Variants in CCND3 observed in about 807,000 individuals in gnomAD.
CCND3 encodes G1/S-specific cyclin-D3.
Under a neutral mutation model 28.7 loss-of-function variants are expected in CCND3, and 9 were observed. The observed-to-expected ratio is 0.31, with a 90% CI of 0.19 to 0.55. CCND3 has a LOEUF of 0.55. Among genes scored for constraint, CCND3 ranks in the 20% least tolerant of loss-of-function variants. The pLI is 0.93. For missense variants in CCND3, 315 were observed against 385.8 expected (o/e 0.82, Z 1.54); for synonymous variants, 164 against 163.9 (o/e 1.00, Z 0.00).
rs1432672361 is a variant in CCND3 at position 41,938,472 on chromosome 6, ATAAAT to A, written c.415-1083_415-1079del. On this transcript the variant is annotated intron_variant, in intron 2 of 4. Coordinates refer to ENST00000372991, the MANE Select transcript of CCND3 (RefSeq NM_001760.5). The surrounding 1 kb of genome is among the most constrained non-coding windows in gnomAD (Gnocchi z 4.6). ...TGGCCTGGAGCCAGAAGTGAGACAG[ATAAAT>A]TACAACGCTACCCCTAGTGCATGTC... Among the ~76,000 whole-genome samples the A allele has an allele frequency of 6.6e-6, 1 of 152,186 alleles. No homozygotes were observed. Among genetic ancestry groups the A allele is most frequent in the East Asian group, 1.9e-4 (1 of 5,200 alleles).
In CCND3 at chr6:41,980,010, T is replaced by TCACA. The variant is rs58375638; in HGVS notation, c.-45-39429_-45-39426dup. ...CAATGAACATATGCTGCTTTCAAAA[T>TCACA]CACACACACACACACACACACACAC... On this transcript the variant is annotated intron_variant, in intron 1 of 4. Coordinates refer to the CCND3 transcript ENST00000372988. Among the ~76,000 whole-genome samples the TCACA allele has an allele frequency of 9.8e-3, 1,338 of 137,190 alleles. 26 individuals are homozygous for TCACA. The highest frequency in any genetic ancestry group is 0.034 in the African/African-American group (1,241 of 36,982). The allele number at this position is 137,190 out of a possible 152,430, so 90.0% of individuals were successfully genotyped here.
rs916237567 is a variant in CCND3, at chr6:42,017,873, G to A, written c.-46+30628C>T. 5.3e-5 allele frequency among the ~76,000 whole-genome samples: 8 copies of A among 152,206 alleles called. No individual in the cohort carries two copies. The East Asian group carries it at 1.2e-3, about 22-fold the overall frequency. ...TATATTTTAGCAACAAAATGTGGCC[G>A]GGTGTGGTGGCTCACGCCTGTAATC... On this transcript the variant is annotated intron_variant, in intron 1 of 4. Transcript: ENST00000372988.
At chr6:41,979,629 C>G (rs62417392) in intron 1 of CCND3, among the ~76,000 whole-genome samples, 2,892 of 14,516 alleles carry the variant, frequency 0.2, 48 homozygotes, top group Admixed American at 0.28. Context: ...CTGTCTCTCT[C>G]TCTCTCTCTC....
intron 1 of CCND3, among the ~76,000 whole-genome samples, chr6:41,949,452 C>A (rs1776251216): frequency 6.6e-6 from 1 of 152,280 alleles, no homozygotes; most frequent in South Asian, 2.1e-4. Flanking sequence ...TTGCAGTGAG[C>A]CGAGATCGTG....
chr6:42,036,389 ATATATATATATATATTTTTTT>A (rs1413257796), intron 1 of CCND3, among the ~76,000 whole-genome samples: 43 of 38,806 alleles, frequency 1.1e-3, no homozygotes, highest in African/African-American at 3.9e-3. Context: ...ATATATATAT[ATATATATATATATATTTTTTT>A]TTTTTTTTTT....
chr6:42,026,982 T>C (rs1234601275), intron 1 of CCND3, among the ~76,000 whole-genome samples: 2 of 152,192 alleles, frequency 1.3e-5, no homozygotes. Context: ...GGAGTCTGTG[T>C]TACAGCAGCC....
chr6:41,938,104 G>C lies in CCND3; in HGVS notation c.415-710C>G, dbSNP rs1312248209. 1 of 152,684 alleles carries C rather than the reference G, an allele frequency of 6.5e-6. No homozygotes were observed. Among genetic ancestry groups the C allele is most frequent in the African/African-American group, 2.4e-5 (1 of 41,380 alleles). 9.5% of individuals were successfully genotyped at this position (152,684 alleles called of 1,614,324 possible). ...AGGAGGATAGGTAGAGGCCAAGCCAGACAGGATGGCTCCAAATGATTCCAG... is the reference window on the plus strand; with the variant it reads ...AGGAGGATAGGTAGAGGCCAAGCCACACAGGATGGCTCCAAATGATTCCAG... On this transcript the variant is annotated intron_variant, in intron 2 of 4. Coordinates refer to ENST00000372991, the MANE Select transcript of CCND3 (RefSeq NM_001760.5). This position sits in a 1 kb window ranked among gnomAD's most constrained non-coding sequence, Gnocchi z 4.6.
intron 1 of CCND3, among the ~76,000 whole-genome samples, chr6:41,979,953 T>C (rs1240852661): frequency 1.3e-5 from 2 of 150,930 alleles, no homozygotes; most frequent in Non-Finnish European, 2.9e-5. Context: ...ACTTCTTTAC[T>C]TGGTATATTT....
intron 1 of CCND3, among the ~76,000 whole-genome samples, chr6:41,998,371 G>A (rs1349553936): frequency 3.8e-5 from 5 of 133,220 alleles, no homozygotes; most frequent in Non-Finnish European, 4.7e-5. Context: ...TTTTTGAGAC[G>A]AAGTCTTGCT....
At chr6:41,962,331 C>T (rs1201523729) in intron 1 of CCND3, among the ~76,000 whole-genome samples, 1 of 152,086 alleles carries the variant, frequency 6.6e-6, no homozygotes, top group South Asian at 2.1e-4. Context: ...AACTCCTGAC[C>T]TCAGGTGATC....
intron 1 of CCND3, among the ~76,000 whole-genome samples, chr6:41,976,853 T>C (rs1376621733): frequency 6.6e-6 from 1 of 152,122 alleles, no homozygotes; most frequent in Non-Finnish European, 1.5e-5. Flanking sequence ...AGCACAGAGC[T>C]TTCCCATCAG....
intron 1 of CCND3, among the ~76,000 whole-genome samples, chr6:41,987,342 G>A (rs1762505352): frequency 6.6e-6 from 1 of 151,960 alleles, no homozygotes; most frequent in African/African-American, 2.4e-5. Context: ...AGAGGTAGCA[G>A]CACTTCAGAA....
At chr6:41,937,431 AGAAGTGAAG>A in intron 2 of CCND3, 37 bp from the exon 3 acceptor site, 1 of 1,611,538 alleles carries the variant, frequency 6.2e-7, no homozygotes, top group Non-Finnish European at 8.5e-7. Context: ...CAGTGGCTGG[AGAAGTGAAG>A]AGGAGGGAGC....
chr6:42,033,835 G>C (rs1764117222), intron 1 of CCND3, among the ~76,000 whole-genome samples: 1 of 146,870 alleles, frequency 6.8e-6, no homozygotes, highest in African/African-American at 2.5e-5. Flanking sequence ...TGGGCAACAA[G>C]AGCGAAACTC....
chr6:42,040,067 T>G (rs1365513007), intron 1 of CCND3, among the ~76,000 whole-genome samples: 1 of 152,218 alleles, frequency 6.6e-6, no homozygotes, highest in Non-Finnish European at 1.5e-5. Flanking sequence ...ATCTCACACT[T>G]GCCCTGGTAG....
intron 1 of CCND3, among the ~76,000 whole-genome samples, chr6:42,025,642 C>T (rs1411350210): frequency 6.6e-6 from 1 of 152,230 alleles, no homozygotes; most frequent in Non-Finnish European, 1.5e-5. Flanking sequence ...TGCACCCCGG[C>T]CGCCCCACGA....
At chr6:42,027,224 G>C (rs1430309596) in intron 1 of CCND3, among the ~76,000 whole-genome samples, 1 of 152,116 alleles carries the variant, frequency 6.6e-6, no homozygotes, top group Non-Finnish European at 1.5e-5. Flanking sequence ...CAGATCACGA[G>C]GTCAGGGGAT....
At chr6:41,961,516 G>A (rs1182986577) in intron 1 of CCND3, among the ~76,000 whole-genome samples, 1 of 152,098 alleles carries the variant, frequency 6.6e-6, no homozygotes, top group Non-Finnish European at 1.5e-5. Flanking sequence ...GCAGTGAGCC[G>A]AGATAGCGCC....
intron 1 of CCND3, among the ~76,000 whole-genome samples, chr6:41,949,882 C>T (rs1776260522): frequency 6.6e-6 from 1 of 150,794 alleles, no homozygotes; most frequent in Admixed American, 6.6e-5. Flanking sequence ...ATCACAAGGT[C>T]AGGAGGTTGA....
Sources: allele counts gnomAD v4.1 joint callset (sites outside exome capture counted in the v4.1 genomes callset), GRCh38; gene constraint gnomAD v4.1.1; non-coding constraint Gnocchi (gnomAD v3.1); transcripts MANE v1.5; gene names NCBI Gene and HGNC (gene_info 2026-07-23, HGNC 2026-07-21).